LRTM3: variants seen among roughly 807,000 people sequenced by gnomAD.
LRTM3 encodes the protein leucine rich repeat transmembrane protein 3, also known as leucine-rich repeat transmembrane protein 3.
the LRTM3 span, chr13:102,731,413 T>C: frequency 1.3e-6 from 2 of 1,551,522 alleles, no homozygotes; most frequent in African/African-American, 2.7e-5. Flanking sequence ...TCAGATTCAG[T>C]TGTATTTCAA....
At chr13:102,756,126 T>G in the LRTM3 span, among the ~76,000 whole-genome samples, 15 of 151,134 alleles carry the variant, frequency 9.9e-5, no homozygotes, top group Non-Finnish European at 2.2e-4. Context: ...TTAATTTTTG[T>G]ATTTTTAGTA....
At chr13:102,744,478 C>A in the LRTM3 span, 1 of 1,550,650 alleles carries the variant, frequency 6.4e-7, no homozygotes, top group East Asian at 2.4e-5. Flanking sequence ...TTAGACCTTC[C>A]ATACATTTTA....
chr13:102,748,642 C>T, the LRTM3 span: 1 of 1,550,508 alleles, frequency 6.4e-7, no homozygotes, highest in East Asian at 2.4e-5. Context: ...ATGTCTTGTG[C>T]TTTGGAATAT....
the LRTM3 span, chr13:102,734,575 T>A: frequency 1.3e-6 from 2 of 1,551,014 alleles, no homozygotes; most frequent in Non-Finnish European, 1.7e-6. Flanking sequence ...TATCGATTAT[T>A]TTTTTTTGGT....
the LRTM3 span, chr13:102,738,940 G>T: frequency 6.4e-7 from 1 of 1,550,550 alleles, no homozygotes; most frequent in Non-Finnish European, 8.7e-7. Context: ...CTCTGTCTTT[G>T]TCTTTCTGCG....
the LRTM3 span, chr13:102,743,088 G>A: frequency 7.1e-6 from 11 of 1,550,232 alleles, no homozygotes; most frequent in Admixed American, 2.2e-4. Flanking sequence ...TCCTTTCTAA[G>A]ATATGTGTTT....
chr13:102,739,223 T>C, the LRTM3 span: 9 of 1,550,404 alleles, frequency 5.8e-6, no homozygotes, highest in Non-Finnish European at 7.9e-6. Flanking sequence ...TTCTTTTCCA[T>C]GCAGTAAATG....
the LRTM3 span, chr13:102,746,445 T>C: frequency 1.3e-4 from 205 of 1,551,050 alleles, no homozygotes; most frequent in Non-Finnish European, 1.7e-4. Flanking sequence ...CTGCTATGCA[T>C]TGGAGAGCAA....
chr13:102,730,473 AT>A, the LRTM3 span: 1 of 1,551,500 alleles, frequency 6.4e-7, no homozygotes, highest in Non-Finnish European at 8.7e-7. Context: ...ACAGATTCAC[AT>A]GTATTTCTTT....
At chr13:102,730,495 T>C in the LRTM3 span, 3 of 1,551,622 alleles carry the variant, frequency 1.9e-6, no homozygotes. Context: ...CTTGAAACCA[T>C]ACATGATATT....
chr13:102,739,875 T>C, the LRTM3 span: 1 of 1,550,206 alleles, frequency 6.5e-7, no homozygotes, highest in South Asian at 1.2e-5. Context: ...TTGACCATTT[T>C]GTCTGTCATG....
At chr13:102,733,717 G>A in the LRTM3 span, 1 of 1,551,290 alleles carries the variant, frequency 6.4e-7, no homozygotes. Context: ...TGAAATAAAT[G>A]TCCTCATCCC....
the LRTM3 span, among the ~76,000 whole-genome samples, chr13:102,753,192 A>T: frequency 2.1e-3 from 322 of 152,284 alleles, no homozygotes; most frequent in Middle Eastern, 6.8e-3. Context: ...GAAGCTGGAA[A>T]CCATCATTCT....
At chr13:102,736,062 A>G in the LRTM3 span, 2 of 1,543,210 alleles carry the variant, frequency 1.3e-6, no homozygotes, top group Admixed American at 3.9e-5. Context: ...GCCTCTTTAT[A>G]TGGCATTTGT....
the LRTM3 span, chr13:102,737,126 G>A: frequency 1.3e-6 from 2 of 1,551,038 alleles, no homozygotes; most frequent in Admixed American, 3.9e-5. Context: ...TAATTGCTCT[G>A]CCTCAAAAAT....
At chr13:102,756,310 CGA>C in the LRTM3 span, among the ~76,000 whole-genome samples, 1 of 73,428 alleles carries the variant, frequency 1.4e-5, no homozygotes, top group Non-Finnish European at 3.2e-5. Context: ...ATCCTTAGTT[CGA>C]AAAAAAAAAA....
chr13:102,745,987 A>T, the LRTM3 span: 2 of 1,551,096 alleles, frequency 1.3e-6, no homozygotes, highest in Non-Finnish European at 1.7e-6. Context: ...GTATTAAGCC[A>T]TCGCTGTTCT....
At chr13:102,756,251 A>G in the LRTM3 span, among the ~76,000 whole-genome samples, 1 of 151,106 alleles carries the variant, frequency 6.6e-6, no homozygotes, top group Middle Eastern at 3.4e-3. Context: ...CGTGTTACAC[A>G]TACTATTTCA....
At chr13:102,742,292 T>C in the LRTM3 span, 5 of 1,550,174 alleles carry the variant, frequency 3.2e-6, no homozygotes, top group Admixed American at 3.9e-5. Flanking sequence ...TTTTATCTGT[T>C]TGGTATGCAT....
Sources: allele counts gnomAD v4.1 joint callset (sites outside exome capture counted in the v4.1 genomes callset), GRCh38; gene constraint gnomAD v4.1.1; transcripts MANE v1.5; gene names NCBI Gene and HGNC (gene_info 2026-07-23, HGNC 2026-07-21).